ROPN1L: variants seen among roughly 807,000 people sequenced by gnomAD.
ROPN1L encodes ropporin-1-like protein.
ROPN1L carries 23 observed loss-of-function variants against 22.7 expected under a neutral mutation model. The observed-to-expected ratio is 1.01, with a 90% confidence interval of 0.73 to 1.43. ROPN1L has a LOEUF of 1.43. Among genes scored for constraint, ROPN1L ranks in the 40% most tolerant of loss-of-function variants. ROPN1L has a pLI of 0.00. For missense variants in ROPN1L, 271 were observed against 291.5 expected (o/e 0.93, Z 0.51); for synonymous variants, 116 against 117.8 (o/e 0.98, Z 0.10).
intron 3 of ROPN1L, 74 bp from the exon 4 acceptor site, chr5:10,461,110 G>T: frequency 1.4e-6 from 2 of 1,387,086 alleles, no homozygotes; most frequent in South Asian, 2.6e-5. Flanking sequence ...TGTTGATTCT[G>T]CTGATGCCTG....
At chr5:10,479,708 A>C in the ROPN1L span, among the ~76,000 whole-genome samples, 1 of 151,936 alleles carries the variant, frequency 6.6e-6, no homozygotes, top group Non-Finnish European at 1.5e-5. Context: ...CTCTCACTAA[A>C]TGCACGGCAC....
At chr5:10,472,370 C>T (rs1171668431), downstream of ROPN1L, among the ~76,000 whole-genome samples, 1 of 152,186 alleles carries the variant, frequency 6.6e-6, no homozygotes, top group Non-Finnish European at 1.5e-5. Flanking sequence ...GTGATCTAGG[C>T]TGGGCCCATC....
At chr5:10,465,062 T>A (rs1735128840), downstream of ROPN1L, 1 of 548,346 alleles carries the variant, frequency 1.8e-6, no homozygotes, top group Admixed American at 3.5e-5. Context: ...TAAATGGGAA[T>A]TTAGTGTGAC....
At chr5:10,476,014 AG>A (rs943463670), downstream of ROPN1L, among the ~76,000 whole-genome samples, 3 of 152,228 alleles carry the variant, frequency 2.0e-5, no homozygotes, top group Admixed American at 2.0e-4. Flanking sequence ...GTTCATAGGA[AG>A]GTGAAGAGCA....
intron 3 of ROPN1L, among the ~76,000 whole-genome samples, chr5:10,452,042 A>G (rs1316288813): frequency 6.6e-6 from 1 of 151,946 alleles, no homozygotes; most frequent in Non-Finnish European, 1.5e-5. Flanking sequence ...GTTGGAGTGC[A>G]ATGGTGTGAT....
At chr5:10,473,996 C>G (rs1336284134), downstream of ROPN1L, among the ~76,000 whole-genome samples, 1 of 151,822 alleles carries the variant, frequency 6.6e-6, no homozygotes, top group East Asian at 1.9e-4. Flanking sequence ...TACTAAAATA[C>G]AAAAAATTAG....
intron 3 of ROPN1L, among the ~76,000 whole-genome samples, chr5:10,452,225 C>T (rs1018028711): frequency 1.3e-5 from 2 of 151,512 alleles, no homozygotes; most frequent in Non-Finnish European, 1.5e-5. Context: ...AGGTGATCTA[C>T]CAGCCTCAGG....
At chr5:10,479,104 G>T in the ROPN1L span, among the ~76,000 whole-genome samples, 1 of 151,778 alleles carries the variant, frequency 6.6e-6, no homozygotes, top group East Asian at 1.9e-4. Flanking sequence ...TATAATTATG[G>T]TAACGTGTGT....
At chr5:10,458,422 A>ATGTATACCATCCCCCCG (rs1192140209) in intron 3 of ROPN1L, among the ~76,000 whole-genome samples, 1 of 147,968 alleles carries the variant, frequency 6.8e-6, no homozygotes, top group Non-Finnish European at 1.5e-5. Flanking sequence ...TACCCCACCC[A>ATGTATACCATCCCCCCG]TGTATACCAT....
chr5:10,448,182 G>C, intron 1 of ROPN1L, 78 bp from the exon 2 acceptor site: 1 of 1,544,722 alleles, frequency 6.5e-7, no homozygotes, highest in Non-Finnish European at 8.9e-7. Flanking sequence ...GTTGTTTTGG[G>C]GGGTTATTTA....
the ROPN1L span, among the ~76,000 whole-genome samples, chr5:10,479,727 G>A: frequency 2.8e-3 from 420 of 152,284 alleles, 1 homozygote; most frequent in African/African-American, 9.4e-3. Context: ...ACGGCTTTGC[G>A]GTAATAGGCT....
chr5:10,457,540 C>T (rs891744245), intron 3 of ROPN1L, among the ~76,000 whole-genome samples: 2 of 152,220 alleles, frequency 1.3e-5, no homozygotes, highest in Non-Finnish European at 2.9e-5. Context: ...CTGGGCCTGG[C>T]CAAGGTGTCT....
chr5:10,455,219 C>T (rs1053659104), intron 3 of ROPN1L, among the ~76,000 whole-genome samples: 6 of 152,214 alleles, frequency 3.9e-5, no homozygotes, highest in East Asian at 3.9e-4. Context: ...ACCTGCGCTG[C>T]GGCAGTGACA....
intron 2 of ROPN1L, among the ~76,000 whole-genome samples, chr5:10,449,258 C>A (rs941866169): frequency 6.6e-6 from 1 of 152,232 alleles, no homozygotes; most frequent in Non-Finnish European, 1.5e-5. Context: ...GTGGCTCATG[C>A]CTTTAATCCC....
chr5:10,464,704 A>C (rs1735118959), intron 4 of ROPN1L, 144 bp from the exon 5 acceptor site: 2 of 530,258 alleles, frequency 3.8e-6, no homozygotes, highest in Non-Finnish European at 6.7e-6. Context: ...AGAATGCTTT[A>C]TTTTTGGAAG....
At chr5:10,448,880 C>T (rs1285742695) in intron 2 of ROPN1L, among the ~76,000 whole-genome samples, 4 of 152,206 alleles carry the variant, frequency 2.6e-5, no homozygotes, top group African/African-American at 4.8e-5. Context: ...TCCTGCCTTG[C>T]GCTTCTTTGC....
Position 10,458,403 on chromosome 5 carries a change from C to T in ROPN1L, c.418-2781C>T, listed in dbSNP as rs1005292089. ...GCTCGGCTGTATACACCGTCCTGCT[C>T]GTATACACTACCCCACCCATGTATA... is the stretch of plus-strand genomic sequence containing the variant. On this transcript the variant is annotated intron_variant, in intron 3 of 4. Transcript: ENST00000274134. 2.3e-4 allele frequency among the ~76,000 whole-genome samples: 35 copies of T among 151,882 alleles called. No homozygotes were observed. The East Asian group carries it at 3.3e-3, about 14-fold the overall frequency.
chr5:10,463,359 A>T (rs1314311410), intron 4 of ROPN1L, among the ~76,000 whole-genome samples: 1 of 152,204 alleles, frequency 6.6e-6, no homozygotes, highest in Admixed American at 6.5e-5. Flanking sequence ...TGCACCCTGC[A>T]CTACCTATGG....
intron 1 of ROPN1L, among the ~76,000 whole-genome samples, chr5:10,443,822 T>C (rs1740969580): frequency 6.6e-6 from 1 of 152,210 alleles, no homozygotes; most frequent in African/African-American, 2.4e-5. Flanking sequence ...TCATGTCCCC[T>C]TCCTCCATTT....
Sources: allele counts gnomAD v4.1 joint callset (sites outside exome capture counted in the v4.1 genomes callset), GRCh38; gene constraint gnomAD v4.1.1; transcripts MANE v1.5; gene names NCBI Gene and HGNC (gene_info 2026-07-23, HGNC 2026-07-21).